The following DACH2 variants were observed in gnomAD, a reference collection of about 807,000 sequenced individuals.
DACH2 encodes the protein dachshund homolog 2.
DACH2 carries 17 observed loss-of-function variants against 35.8 expected under a neutral mutation model. The observed-to-expected ratio is 0.48, with a 90% CI of 0.33 to 0.71. DACH2 has a LOEUF of 0.71. Among genes scored for constraint, DACH2 ranks in the 30% least tolerant of loss-of-function variants. The probability of loss-of-function intolerance (pLI) is 0.02; values close to 1 mark genes in which losing one functional copy is unlikely to be tolerated. For synonymous variants in DACH2, 195 were observed against 177.3 expected (o/e 1.10, Z -0.79); for missense variants, 469 against 472.7 (o/e 0.99, Z 0.07).
At chrX:86,735,103 A>G (rs1374381278) in intron 6 of DACH2, among the ~76,000 whole-genome samples, 4 of 111,901 alleles carry the variant, frequency 3.6e-5, no homozygotes, top group African/African-American at 1.3e-4. Flanking sequence ...AAAGAAATCA[A>G]TATAATAAAA....
In DACH2 at chrX:86,148,696, G is replaced by A; in HGVS notation, c.76G>A (p.Glu26Lys). The A allele has an allele frequency of 1.7e-6, 2 of 1,209,312 alleles. No individual in the cohort carries two copies. The highest frequency in any genetic ancestry group is 2.2e-6 in the Non-Finnish European group (2 of 894,391). ...AGVPGGLFRA[E>K]PLYSTPREPP... The stretch of plus-strand genomic sequence containing the variant: ...CGTCCCGGGGGGCTTATTCCGGGCC[G>A]AACCCCTGTACTCGACTCCCAGAGA... Residue 26 changes from glutamate (E) to lysine (K), a missense_variant, in exon 1 of 12, where the codon GAA becomes AAA. By Grantham distance (56) the Glu-to-Lys change is moderately conservative. This residue lies in a region of DACH2 where 99 missense variants were observed against 114.3 expected (regional missense o/e 0.87). Coordinates refer to ENST00000373125, the MANE Select transcript of DACH2 (RefSeq NM_053281.3).
At chrX:86,425,663 A>T (rs2036881327) in intron 2 of DACH2, among the ~76,000 whole-genome samples, 1 of 110,747 alleles carries the variant, frequency 9.0e-6, no homozygotes. Context: ...TGTTTTCTTC[A>T]TTTCAATTTC....
chrX:86,148,677 G>A lies in DACH2; in HGVS notation c.57G>A (p.Pro19=). ...ISATSSGAGV[P]GGLFRAEPLY... is the part of the protein sequence containing the mutation. Reference sequence around the variant, plus strand: ...CAACTTCCAGCGGCGCCGGCGTCCCGGGGGGCTTATTCCGGGCCGAACCCC... The same window carrying A: ...CAACTTCCAGCGGCGCCGGCGTCCCAGGGGGCTTATTCCGGGCCGAACCCC... The change falls in exon 1 of 12, where the codon CCG becomes CCA. Residue 19 remains proline (P), a synonymous_variant. Coordinates refer to ENST00000373125, the MANE Select transcript of DACH2 (RefSeq NM_053281.3). 1.7e-6 allele frequency: 2 copies of A among 1,203,065 alleles called. No individual in the cohort carries two copies. Among genetic ancestry groups the A allele is most frequent in the East Asian group, 3.0e-5 (1 of 33,439 alleles).
chrX:86,723,561 C>G, intron 6 of DACH2, among the ~76,000 whole-genome samples: 1 of 111,774 alleles, frequency 8.9e-6, no homozygotes, highest in Non-Finnish European at 1.9e-5. Context: ...CCAATGATTG[C>G]TCAAGAGCAT....
At chrX:86,441,167 C>A (rs760059514) in intron 2 of DACH2, among the ~76,000 whole-genome samples, 11 of 110,991 alleles carry the variant, frequency 9.9e-5, no homozygotes, top group African/African-American at 3.6e-4. Context: ...AATGGGGAAG[C>A]CTTCACCTCA....
At chrX:86,466,629 C>A (rs2037673401) in intron 2 of DACH2, among the ~76,000 whole-genome samples, 1 of 111,928 alleles carries the variant, frequency 8.9e-6, no homozygotes, top group South Asian at 3.7e-4. Context: ...AAAAAGTAAG[C>A]TAGTTACTTC....
In DACH2 at chrX:86,219,035, C is replaced by A. The variant is rs758411423; in HGVS notation, c.488+69927C>A. Among the ~76,000 whole-genome samples, 17 of 112,004 alleles carry A rather than the reference C, an allele frequency of 1.5e-4. No homozygotes were observed. In the East Asian group the frequency reaches 4.8e-3, roughly 31 times the overall value. On this transcript the variant is annotated intron_variant, in intron 1 of 11. Coordinates refer to ENST00000373125, the MANE Select transcript of DACH2 (RefSeq NM_053281.3). ...TGTCTGATCCATTTTTATAGCTTTT[C>A]TTTTAATACATAATTTTAGTAATAA...
chrX:86,760,161 G>A (rs1418412396), intron 7 of DACH2, among the ~76,000 whole-genome samples: 1 of 111,292 alleles, frequency 9.0e-6, no homozygotes, highest in African/African-American at 3.3e-5. Context: ...ACAGTTTGAT[G>A]TAATGTGCCA....
At chrX:86,167,605 G>C (rs911035197) in intron 1 of DACH2, among the ~76,000 whole-genome samples, 3 of 110,150 alleles carry the variant, frequency 2.7e-5, no homozygotes, top group African/African-American at 9.9e-5. Flanking sequence ...ATTTGCTCTT[G>C]CTTTTTAAAT....
intron 1 of DACH2, among the ~76,000 whole-genome samples, chrX:86,180,041 T>C (rs1449525876): frequency 1.9e-5 from 2 of 106,873 alleles, no homozygotes; most frequent in African/African-American, 6.8e-5. Context: ...AGCACATTAG[T>C]CCTATTTAGT....
At chrX:86,536,736 G>A (rs892614501) in intron 3 of DACH2, among the ~76,000 whole-genome samples, 3 of 111,599 alleles carry the variant, frequency 2.7e-5, no homozygotes, top group Non-Finnish European at 5.6e-5. Context: ...ATTAATTTAT[G>A]TCTTTCCTGT....
At chrX:86,496,933 A>G (rs2148252126) in intron 2 of DACH2, among the ~76,000 whole-genome samples, 1 of 111,909 alleles carries the variant, frequency 8.9e-6, no homozygotes, top group South Asian at 3.7e-4. Flanking sequence ...GCTTACCTAG[A>G]TGTGGGACAC....
intron 4 of DACH2, among the ~76,000 whole-genome samples, chrX:86,684,289 T>G (rs1372056816): frequency 8.9e-6 from 1 of 112,003 alleles, no homozygotes; most frequent in Non-Finnish European, 1.9e-5. Context: ...AGGAAGATAT[T>G]TATACCTACA....
At chrX:86,659,394 G>A (rs12011689) in intron 4 of DACH2, among the ~76,000 whole-genome samples, 4,387 of 110,396 alleles carry the variant, frequency 0.04, 220 homozygotes, top group African/African-American at 0.14. Flanking sequence ...TTCTTGTTTT[G>A]TCAGTAATAT....
chrX:86,227,734 A>G (rs1004944681), intron 1 of DACH2, among the ~76,000 whole-genome samples: 1 of 109,566 alleles, frequency 9.1e-6, no homozygotes, highest in Non-Finnish European at 1.9e-5. Flanking sequence ...TTTTAAAAAA[A>G]ATGCTGGTCA....
At chrX:86,194,585 T>C (rs2031925349) in intron 1 of DACH2, among the ~76,000 whole-genome samples, 1 of 112,489 alleles carries the variant, frequency 8.9e-6, no homozygotes, top group African/African-American at 3.2e-5. Flanking sequence ...TGAATTGAAC[T>C]GACAAGGAGC....
At chrX:86,667,541 GAAAGAAGAAAGAAAGAAAGA>G (rs1569463638) in intron 4 of DACH2, among the ~76,000 whole-genome samples, 55 of 45,537 alleles carry the variant, frequency 1.2e-3, no homozygotes, top group Non-Finnish European at 1.5e-3. Flanking sequence ...AAGAAAGAAA[GAAAGAAGAAAGAAAGAAAGA>G]AAGAAAGAAA....
intron 1 of DACH2, among the ~76,000 whole-genome samples, chrX:86,294,158 C>G (rs892314022): frequency 2.7e-5 from 3 of 111,485 alleles, no homozygotes; most frequent in African/African-American, 9.8e-5. Context: ...TCCCTTCTCA[C>G]TTCATTTCAT....
At chrX:86,484,050 A>G (rs1040135926) in intron 2 of DACH2, among the ~76,000 whole-genome samples, 1 of 110,986 alleles carries the variant, frequency 9.0e-6, no homozygotes, top group African/African-American at 3.3e-5. Flanking sequence ...CATGCTAAAC[A>G]TGTAATTGCC....
Sources: allele counts gnomAD v4.1 joint callset (sites outside exome capture counted in the v4.1 genomes callset), GRCh38; gene constraint gnomAD v4.1.1; regional missense constraint gnomAD v4.1.1; transcripts MANE v1.5; gene names NCBI Gene and HGNC (gene_info 2026-07-23, HGNC 2026-07-21).